NLGN1: variants seen among roughly 807,000 people sequenced by gnomAD.
NLGN1 encodes the protein neuroligin-1.
NLGN1 carries 12 observed loss-of-function variants against 65.5 expected under a neutral mutation model. The ratio of observed to expected loss-of-function variants is 0.18; its 90% CI spans 0.12 to 0.30. The LOEUF (loss-of-function observed/expected upper bound fraction) is 0.30. NLGN1 is among the 10% of genes least tolerant of loss of function. The probability of loss-of-function intolerance (pLI) is 1.00; values close to 1 mark genes in which losing one functional copy is unlikely to be tolerated. For missense variants in NLGN1, 750 were observed against 1,007.1 expected (o/e 0.74, Z 3.46); for synonymous variants, 350 against 359.5 (o/e 0.97, Z 0.30).
In NLGN1 at chr3:173,540,697, T is replaced by G. The variant is rs559320577; in HGVS notation, c.-320-63582T>G. ...TTGGTGAACAGAGCTAATGACTGAC[T>G]GCAAGTTCTATTGAAAAGCAAGTGT... is the stretch of plus-strand genomic sequence containing the variant. On this transcript the variant is annotated intron_variant, in intron 2 of 6. Transcript: ENST00000457714. Among the ~76,000 whole-genome samples, 15 of 152,296 alleles carry G rather than the reference T, an allele frequency of 9.8e-5. No homozygotes were observed. In the East Asian group the frequency reaches 2.7e-3, roughly 27 times the overall value.
intron 4 of NLGN1, among the ~76,000 whole-genome samples, chr3:174,155,456 C>T (rs1399842696): frequency 2.6e-5 from 4 of 151,850 alleles, no homozygotes; most frequent in African/African-American, 9.7e-5. Context: ...GACCATTTGT[C>T]AGGGGAGACT....
intron 3 of NLGN1, among the ~76,000 whole-genome samples, chr3:173,652,863 C>G (rs1440326706): frequency 2.6e-5 from 4 of 152,142 alleles, no homozygotes; most frequent in Non-Finnish European, 5.9e-5. Flanking sequence ...AATATTGATT[C>G]TTCCAATTCA....
chr3:174,220,641 T>G (rs1738466242), intron 4 of NLGN1, among the ~76,000 whole-genome samples: 1 of 152,168 alleles, frequency 6.6e-6, no homozygotes, highest in African/African-American at 2.4e-5. Flanking sequence ...CCTCTTTCAT[T>G]TTTACATTGA....
chr3:173,901,856 T>A (rs2152182731), intron 4 of NLGN1, among the ~76,000 whole-genome samples: 2 of 152,196 alleles, frequency 1.3e-5, no homozygotes, highest in East Asian at 3.9e-4. Context: ...AGTTGCTGTG[T>A]CAGAGTCAGA....
At chr3:174,197,728 T>C (rs1271192683) in intron 4 of NLGN1, among the ~76,000 whole-genome samples, 1 of 143,484 alleles carries the variant, frequency 7.0e-6, no homozygotes, top group South Asian at 2.2e-4. Flanking sequence ...TGGTTGTGAC[T>C]TTCAAAATAA....
intron 4 of NLGN1, among the ~76,000 whole-genome samples, chr3:173,809,762 A>G (rs372937538): frequency 1.1e-4 from 16 of 152,314 alleles, no homozygotes; most frequent in African/African-American, 3.8e-4. Flanking sequence ...ATTCATGCCC[A>G]TACCCCATTT....
chr3:173,473,427 T>G (rs918082157), intron 2 of NLGN1, among the ~76,000 whole-genome samples: 1 of 152,196 alleles, frequency 6.6e-6, no homozygotes, highest in African/African-American at 2.4e-5. Context: ...AAATGAGCAT[T>G]GAAATGCTGA....
intron 4 of NLGN1, among the ~76,000 whole-genome samples, chr3:174,265,887 C>CGTATATATGTATATATGTGTATATAT (rs1458952198): frequency 9.5e-5 from 13 of 136,292 alleles, no homozygotes; most frequent in East Asian, 2.1e-4. Context: ...TATATATATA[C>CGTATATATGTATATATGTGTATATAT]GTATATATGT....
chr3:173,624,839 GT>G (rs5854525), intron 3 of NLGN1, among the ~76,000 whole-genome samples: 140,171 of 149,220 alleles, frequency 0.94, 65,844 homozygotes, highest in South Asian at 0.97. Flanking sequence ...ATTTATAATT[GT>G]TTTTTTTTTT....
chr3:173,416,532 A>G (rs1713829033), intron 1 of NLGN1, among the ~76,000 whole-genome samples: 1 of 152,190 alleles, frequency 6.6e-6, no homozygotes, highest in African/African-American at 2.4e-5. Flanking sequence ...ATTTTCTAAA[A>G]GACTCCGTGT....
At chr3:173,962,496 A>G (rs924156994) in intron 4 of NLGN1, among the ~76,000 whole-genome samples, 6 of 152,192 alleles carry the variant, frequency 3.9e-5, no homozygotes, top group African/African-American at 1.2e-4. Flanking sequence ...AGCTTTCAAC[A>G]TGAACATTTT....
intron 4 of NLGN1, among the ~76,000 whole-genome samples, chr3:174,225,230 T>C (rs904736399): frequency 6.6e-6 from 1 of 152,152 alleles, no homozygotes; most frequent in Non-Finnish European, 1.5e-5. Flanking sequence ...CAGACAAAAA[T>C]ATGCCTGAAA....
chr3:173,517,445 A>G (rs1733984464), intron 2 of NLGN1, among the ~76,000 whole-genome samples: 1 of 152,088 alleles, frequency 6.6e-6, no homozygotes, highest in South Asian at 2.1e-4. Context: ...CTCCTCAACC[A>G]AAGACAGTAT....
At chr3:174,038,501 A>G (rs1042843038) in intron 4 of NLGN1, among the ~76,000 whole-genome samples, 3 of 152,146 alleles carry the variant, frequency 2.0e-5, no homozygotes, top group African/African-American at 7.2e-5. Context: ...TCTATAACTT[A>G]CCCTAATGGT....
chr3:173,916,334 C>CAT (rs1740720221), intron 4 of NLGN1, among the ~76,000 whole-genome samples: 1 of 152,084 alleles, frequency 6.6e-6, no homozygotes, highest in Admixed American at 6.6e-5. Context: ...TTATCTATGG[C>CAT]ATACTACAAA....
At chr3:174,235,261 C>A (rs1014501753) in intron 4 of NLGN1, among the ~76,000 whole-genome samples, 1 of 151,906 alleles carries the variant, frequency 6.6e-6, no homozygotes, top group East Asian at 1.9e-4. Flanking sequence ...CCTCCTTACC[C>A]CTCCTTCATA....
intron 4 of NLGN1, among the ~76,000 whole-genome samples, chr3:174,135,945 G>T (rs1248258458): frequency 6.6e-6 from 1 of 152,036 alleles, no homozygotes; most frequent in East Asian, 1.9e-4. Context: ...AGTAAAAAGT[G>T]ACTACTATTT....
chr3:173,568,777 C>G (rs1055028039), intron 2 of NLGN1, among the ~76,000 whole-genome samples: 6 of 152,188 alleles, frequency 3.9e-5, no homozygotes, highest in African/African-American at 4.8e-5. Flanking sequence ...GGGTTCACCC[C>G]ATTCTCCGGC....
intron 2 of NLGN1, among the ~76,000 whole-genome samples, chr3:173,598,862 A>T (rs546473897): frequency 1.6e-4 from 25 of 152,244 alleles, no homozygotes; most frequent in African/African-American, 5.5e-4. Context: ...CCCTCTGCCC[A>T]TTTTCATGGG....
Sources: allele counts gnomAD v4.1 joint callset (sites outside exome capture counted in the v4.1 genomes callset), GRCh38; gene constraint gnomAD v4.1.1; transcripts MANE v1.5; gene names NCBI Gene and HGNC (gene_info 2026-07-23, HGNC 2026-07-21).